Variants in UBE2E2 observed in about 807,000 individuals in gnomAD.
The protein encoded by UBE2E2 is ubiquitin-conjugating enzyme E2 E2.
In UBE2E2, 6 loss-of-function variants were observed where a neutral mutation model predicts 24.7. The ratio of observed to expected loss-of-function variants is 0.24; its 90% confidence interval spans 0.13 to 0.48. The LOEUF is 0.48. Ranked by LOEUF, UBE2E2 falls within the 20% of genes least tolerant of loss-of-function variation. The pLI is 0.99. For missense variants in UBE2E2, 169 were observed against 245.0 expected, an observed-to-expected ratio of 0.69 and a Z score of 2.07; for synonymous variants, 104 against 83.6, an observed-to-expected ratio of 1.24 and a Z score of -1.33.
chr3:23,214,060 A>C (rs1050487431), intron 2 of UBE2E2, among the ~76,000 whole-genome samples: 1 of 152,194 alleles, frequency 6.6e-6, no homozygotes, highest in African/African-American at 2.4e-5. Flanking sequence ...AGCAATTCTT[A>C]GTATAATCTT....
At chr3:23,517,064 AAT>A (rs1694758733) in intron 4 of UBE2E2, among the ~76,000 whole-genome samples, 1 of 152,182 alleles carries the variant, frequency 6.6e-6, no homozygotes. Flanking sequence ...GCATTCTTCT[AAT>A]ATTGTCAGAA....
intron 3 of UBE2E2, among the ~76,000 whole-genome samples, chr3:23,339,265 T>C (rs552773425): frequency 6.6e-6 from 1 of 152,250 alleles, no homozygotes; most frequent in East Asian, 1.9e-4. Context: ...AAATATGAAC[T>C]AAGCAACTGT....
chr3:23,270,913 C>T (rs184804614), intron 3 of UBE2E2: 58 of 456,528 alleles, frequency 1.3e-4, no homozygotes, highest in African/African-American at 1.1e-3. Context: ...TTATGAAATC[C>T]TGCTGACAAC....
At chr3:23,404,752 C>T (rs970485892) in intron 3 of UBE2E2, among the ~76,000 whole-genome samples, 1 of 152,102 alleles carries the variant, frequency 6.6e-6, no homozygotes, top group Non-Finnish European at 1.5e-5. Flanking sequence ...CTAACTGTAG[C>T]GTTTAAATAT....
At chr3:23,458,444 C>T (rs533356046) in intron 3 of UBE2E2, among the ~76,000 whole-genome samples, 52 of 121,822 alleles carry the variant, frequency 4.3e-4, no homozygotes, top group African/African-American at 1.9e-3. Flanking sequence ...TTGTTTGAGA[C>T]GGAGTCTCTA....
chr3:23,405,482 G>A (rs1697334344), intron 3 of UBE2E2, among the ~76,000 whole-genome samples: 1 of 152,160 alleles, frequency 6.6e-6, no homozygotes, highest in Admixed American at 6.6e-5. Context: ...TAGGGAGTAT[G>A]AGTACTGGCA....
chr3:23,484,233 A>T (rs1214394680), intron 3 of UBE2E2, among the ~76,000 whole-genome samples: 1 of 152,164 alleles, frequency 6.6e-6, no homozygotes, highest in Non-Finnish European at 1.5e-5. Context: ...TCACCTTTCC[A>T]GCCCAGCTTA....
chr3:23,378,171 A>G (rs1238346385), intron 3 of UBE2E2, among the ~76,000 whole-genome samples: 2 of 151,170 alleles, frequency 1.3e-5, no homozygotes, highest in Non-Finnish European at 2.9e-5. Flanking sequence ...ATTTTTATAT[A>G]CATATCTGAA....
At chr3:23,290,517 T>C (rs1012212526) in intron 3 of UBE2E2, among the ~76,000 whole-genome samples, 4 of 152,170 alleles carry the variant, frequency 2.6e-5, no homozygotes, top group Admixed American at 2.0e-4. Flanking sequence ...AGGGGCTTGC[T>C]TTGTTGCCTA....
At chr3:23,389,759 C>T (rs73041534) in intron 3 of UBE2E2, 23,024 of 174,432 alleles carry the variant, frequency 0.13, 1,646 homozygotes, top group Middle Eastern at 0.2. Flanking sequence ...GCTTCTTCCC[C>T]GATAGAGTAA....
chr3:23,238,810 C>T (rs1191164700), intron 3 of UBE2E2, among the ~76,000 whole-genome samples: 3 of 152,126 alleles, frequency 2.0e-5, no homozygotes, highest in Non-Finnish European at 4.4e-5. Context: ...TGTGTGCCTG[C>T]GATCTGACTG....
rs1161498258 is a variant in UBE2E2, at chr3:23,505,089, TG to T, written c.360+5350del. On this transcript the variant is annotated intron_variant, in intron 4 of 5. Coordinates refer to ENST00000396703, the MANE Select transcript of UBE2E2 (RefSeq NM_152653.4). The stretch of plus-strand genomic sequence containing the variant: ...CCTGGCTAATTTTTGTTTTTTTTTT[TG>T]TTTTTTTTTTTGTAGAGACAGGGTT... Among the ~76,000 whole-genome samples, 1,154 of 144,280 alleles carry T rather than the reference TG, an allele frequency of 8.0e-3. 19 individuals carry two copies. The highest frequency in any genetic ancestry group is 0.027 in the African/African-American group (1,041 of 38,878). 94.7% of individuals were successfully genotyped at this position (144,280 alleles called of 152,430 possible). A position where few individuals can be genotyped will look rare whatever the true frequency, so the allele number is the denominator to read the frequency against.
rs558071967 is a variant in UBE2E2, at chr3:23,218,143, A to AGGTAGAATTTATTGCTT, written c.227+836_227+852dup. On this transcript the variant is annotated intron_variant, in intron 3 of 5. Transcript: ENST00000396703. ...TAAAAATTTTCCCAACGTTGAACGC[A>AGGTAGAATTTATTGCTT]GGTAGAATTTATTGCTTGGTATGAT... Among the ~76,000 whole-genome samples the AGGTAGAATTTATTGCTT allele has an allele frequency of 5.7e-4, 87 of 152,228 alleles. 3 individuals carry two copies. In the East Asian group the frequency reaches 0.015, roughly 27 times the overall value.
chr3:23,475,916 C>A (rs147173030), intron 3 of UBE2E2, among the ~76,000 whole-genome samples: 45 of 152,208 alleles, frequency 3.0e-4, no homozygotes, highest in Middle Eastern at 3.4e-3. Context: ...TGTTCTTACA[C>A]TAAAGACAGC....
chr3:23,315,241 G>A (rs1265309708), intron 3 of UBE2E2, among the ~76,000 whole-genome samples: 3 of 151,530 alleles, frequency 2.0e-5, no homozygotes, highest in African/African-American at 4.9e-5. Context: ...TACCAACACA[G>A]GCCCACGGGG....
rs146171734 is a variant in UBE2E2, at chr3:23,235,981, T to C, written c.227+18669T>C. ...AATTGTCATCAAAGAAATATTTAAA[T>C]CTGTAGGAAATGATGAATTTGTGTG... On this transcript the variant is annotated intron_variant, in intron 3 of 5. Transcript: ENST00000396703. Among the ~76,000 whole-genome samples, 1,129 of 152,224 alleles carry C rather than the reference T, an allele frequency of 7.4e-3. 12 individuals carry two copies. Among genetic ancestry groups the C allele is most frequent in the African/African-American group, 0.025 (1,056 of 41,514 alleles).
intron 3 of UBE2E2, among the ~76,000 whole-genome samples, chr3:23,316,800 G>A (rs556479445): frequency 4.6e-5 from 7 of 152,124 alleles, no homozygotes; most frequent in African/African-American, 1.7e-4. Context: ...GGGCCTAAGC[G>A]CTCTTAAGTC....
At chr3:23,303,201 C>A (rs6774590) in intron 3 of UBE2E2, among the ~76,000 whole-genome samples, 27,693 of 151,766 alleles carry the variant, frequency 0.18, 2,660 homozygotes, top group Non-Finnish European at 0.21. Context: ...CTCCCGTCAC[C>A]CCCAGATGGG....
chr3:23,360,533 A>C (rs1696084887), intron 3 of UBE2E2, among the ~76,000 whole-genome samples: 1 of 152,148 alleles, frequency 6.6e-6, no homozygotes, highest in African/African-American at 2.4e-5. Flanking sequence ...ATTTCTGGAG[A>C]GCATAGAAGA....
Sources: allele counts gnomAD v4.1 joint callset (sites outside exome capture counted in the v4.1 genomes callset), GRCh38; gene constraint gnomAD v4.1.1; transcripts MANE v1.5; gene names NCBI Gene and HGNC (gene_info 2026-07-23, HGNC 2026-07-21).